Variants in TNNI3K observed in about 807,000 individuals in gnomAD.
The protein encoded by TNNI3K is TNNI3 interacting kinase.
TNNI3K carries 140 observed loss-of-function variants against 114.5 expected under a neutral mutation model. The ratio of observed to expected loss-of-function variants is 1.22; its 90% CI spans 1.07 to 1.41. TNNI3K has a LOEUF of 1.41. Ranked by LOEUF, TNNI3K falls within the 40% of genes most tolerant of loss-of-function variation. The probability of loss-of-function intolerance (pLI) is 0.00; values close to 1 mark genes in which losing one functional copy is unlikely to be tolerated. For missense variants in TNNI3K, 1,125 were observed against 1,007.6 expected (o/e 1.12, Z -1.58); for synonymous variants, 347 against 347.5 (o/e 1.00, Z 0.02).
chr1:74,258,541 C>T (rs1229881107), intron 4 of TNNI3K, among the ~76,000 whole-genome samples: 1 of 152,082 alleles, frequency 6.6e-6, no homozygotes, highest in Non-Finnish European at 1.5e-5. Context: ...ATTTTATTTG[C>T]CAGTAGAGAA....
intron 11 of TNNI3K, among the ~76,000 whole-genome samples, chr1:74,357,250 A>G (rs1287771732): frequency 6.6e-6 from 1 of 152,148 alleles, no homozygotes; most frequent in African/African-American, 2.4e-5. Context: ...ATGGTTTACC[A>G]TGTACCCTAT....
At chr1:74,259,705 G>A (rs1315184732) in intron 4 of TNNI3K, among the ~76,000 whole-genome samples, 4 of 152,104 alleles carry the variant, frequency 2.6e-5, no homozygotes, top group Non-Finnish European at 5.9e-5. Flanking sequence ...GTCAGGAGGT[G>A]GAGATTGCAT....
At chr1:74,444,212 G>C (rs2100679453) in intron 20 of TNNI3K, among the ~76,000 whole-genome samples, 1 of 152,284 alleles carries the variant, frequency 6.6e-6, no homozygotes, top group South Asian at 2.1e-4. Context: ...AAGAGAGAAA[G>C]TCACACTGTC....
intron 17 of TNNI3K, chr1:74,376,807 T>A: frequency 6.6e-6 from 1 of 150,742 alleles, no homozygotes; most frequent in Non-Finnish European, 1.5e-5. Context: ...AAGAATCATT[T>A]GGGGGCCTTC....
chr1:74,244,217 T>G (rs1347841511), intron 2 of TNNI3K, among the ~76,000 whole-genome samples: 1 of 152,164 alleles, frequency 6.6e-6, no homozygotes, highest in Non-Finnish European at 1.5e-5. Context: ...AAATCACACT[T>G]GACTGCCAAA....
chr1:74,323,844 AG>A (rs1659754406), intron 5 of TNNI3K, among the ~76,000 whole-genome samples: 1 of 152,232 alleles, frequency 6.6e-6, no homozygotes, highest in Admixed American at 6.5e-5. Flanking sequence ...GGAGAACAAA[AG>A]GAAACACAAA....
chr1:74,367,812 C>T, intron 12 of TNNI3K, 96 bp from the exon 13 acceptor site: 1 of 1,203,796 alleles, frequency 8.3e-7, no homozygotes, highest in Non-Finnish European at 1.2e-6. Context: ...GATAGTTTTA[C>T]TTCGTTTCGT....
intron 9 of TNNI3K, among the ~76,000 whole-genome samples, chr1:74,346,924 A>T (rs1281937978): frequency 6.6e-6 from 1 of 151,380 alleles, no homozygotes; most frequent in African/African-American, 2.4e-5. Context: ...TCTTATAAGG[A>T]TGTCAGTCAT....
intron 23 of TNNI3K, among the ~76,000 whole-genome samples, chr1:74,512,344 A>G (rs1670272047): frequency 6.6e-6 from 1 of 152,302 alleles, no homozygotes; most frequent in African/African-American, 2.4e-5. Context: ...AAAACAGGCA[A>G]CACTGCAGGG....
chr1:74,362,647 A>G, intron 11 of TNNI3K, among the ~76,000 whole-genome samples: 1 of 152,184 alleles, frequency 6.6e-6, no homozygotes, highest in South Asian at 2.1e-4. Flanking sequence ...ACTATGATGT[A>G]GATATTAAAC....
At chr1:74,379,490 G>T (rs901593693) in intron 17 of TNNI3K, among the ~76,000 whole-genome samples, 1 of 151,940 alleles carries the variant, frequency 6.6e-6, no homozygotes, top group African/African-American at 2.4e-5. Context: ...TTTATGAGCT[G>T]CACTCAGTTG....
chr1:74,430,831 A>G (rs574976639), intron 17 of TNNI3K, among the ~76,000 whole-genome samples: 2 of 152,268 alleles, frequency 1.3e-5, no homozygotes, highest in African/African-American at 4.8e-5. Context: ...ACCGTCATTC[A>G]ATCAAAGCAG....
chr1:74,543,816 G>A, intron 24 of TNNI3K, 90 bp from the exon 25 acceptor site: 1 of 1,458,932 alleles, frequency 6.9e-7, no homozygotes, highest in Non-Finnish European at 9.5e-7. Context: ...ACATGATCTG[G>A]AAGACCTGCC....
At chr1:74,535,264 G>A (rs1218370501) in intron 23 of TNNI3K, among the ~76,000 whole-genome samples, 1 of 152,088 alleles carries the variant, frequency 6.6e-6, no homozygotes, top group Non-Finnish European at 1.5e-5. Flanking sequence ...ATCAACAGGA[G>A]TTCGACACCA....
intron 9 of TNNI3K, among the ~76,000 whole-genome samples, chr1:74,344,588 T>C (rs919743988): frequency 1.3e-5 from 2 of 152,162 alleles, no homozygotes; most frequent in African/African-American, 4.8e-5. Context: ...AGAACTGATA[T>C]GTACTGGTTG....
intron 9 of TNNI3K, among the ~76,000 whole-genome samples, chr1:74,344,290 C>T (rs1350656642): frequency 6.6e-6 from 1 of 152,134 alleles, no homozygotes; most frequent in East Asian, 1.9e-4. Context: ...CTCATGTAAT[C>T]CTTACAACAT....
chr1:74,292,818 T>G (rs1249478472), intron 5 of TNNI3K, among the ~76,000 whole-genome samples: 1 of 151,512 alleles, frequency 6.6e-6, no homozygotes, highest in Non-Finnish European at 1.5e-5. Flanking sequence ...TCTTGCTGTT[T>G]ATTGTTGTAG....
intron 20 of TNNI3K, among the ~76,000 whole-genome samples, chr1:74,450,453 G>A (rs1031684487): frequency 6.6e-6 from 1 of 151,872 alleles, no homozygotes; most frequent in Non-Finnish European, 1.5e-5. Flanking sequence ...AGAAGCTATC[G>A]TCAGAGTGAG....
chr1:74,505,644 A>G (rs2100358025), intron 23 of TNNI3K, among the ~76,000 whole-genome samples: 1 of 152,182 alleles, frequency 6.6e-6, no homozygotes, highest in Middle Eastern at 3.4e-3. Context: ...CCTTTTGCTT[A>G]CTCGTATTTG....
Sources: allele counts gnomAD v4.1 joint callset (sites outside exome capture counted in the v4.1 genomes callset), GRCh38; gene constraint gnomAD v4.1.1; transcripts MANE v1.5; gene names NCBI Gene and HGNC (gene_info 2026-07-23, HGNC 2026-07-21).